The following HNF4A variants were observed in gnomAD, a reference collection of about 807,000 sequenced individuals.
HNF4A encodes hepatocyte nuclear factor 4-alpha.
In HNF4A, 15 loss-of-function variants were observed where a neutral mutation model predicts 52.4. The ratio of observed to expected loss-of-function variants is 0.29; its 90% CI spans 0.19 to 0.44. The LOEUF is 0.44. HNF4A is among the 20% of genes least tolerant of loss of function. The probability of loss-of-function intolerance (pLI) is 1.00; values close to 1 mark genes in which losing one functional copy is unlikely to be tolerated. For missense variants in HNF4A, 479 were observed against 647.2 expected (o/e 0.74, Z 2.82); for synonymous variants, 280 against 264.4 (o/e 1.06, Z -0.57).
intron 1 of HNF4A, among the ~76,000 whole-genome samples, chr20:44,364,712 C>A (rs1439895827): frequency 1.3e-5 from 2 of 152,176 alleles, no homozygotes; most frequent in Non-Finnish European, 2.9e-5. Context: ...TCGTGATCCA[C>A]CTGCCCCGAC....
At chr20:44,419,404 T>C (rs2146443308) in intron 6 of HNF4A, among the ~76,000 whole-genome samples, 1 of 152,284 alleles carries the variant, frequency 6.6e-6, no homozygotes, top group East Asian at 1.9e-4. Flanking sequence ...CAGAATCTGG[T>C]CCTTTAACCT....
At chr20:44,360,836 A>G (rs2062908915) in intron 1 of HNF4A, among the ~76,000 whole-genome samples, 1 of 152,182 alleles carries the variant, frequency 6.6e-6, no homozygotes, top group African/African-American at 2.4e-5. Context: ...TTGAAGCTCT[A>G]TGATGATGGT....
chr20:44,406,571 C>T (rs904354683), intron 2 of HNF4A, among the ~76,000 whole-genome samples: 5 of 152,228 alleles, frequency 3.3e-5, no homozygotes, highest in Non-Finnish European at 5.9e-5. Context: ...ATGAGCCCGT[C>T]TTCCAGTCTG....
intron 1 of HNF4A, among the ~76,000 whole-genome samples, chr20:44,388,192 G>A (rs2063255339): frequency 6.6e-6 from 1 of 151,708 alleles, no homozygotes; most frequent in South Asian, 2.1e-4. Flanking sequence ...GGGATCCAGC[G>A]ATCCTCCCAC....
At chr20:44,390,864 C>T (rs1052712245) in intron 1 of HNF4A, among the ~76,000 whole-genome samples, 2 of 152,106 alleles carry the variant, frequency 1.3e-5, no homozygotes, top group African/African-American at 2.4e-5. Flanking sequence ...AGAATCCAGA[C>T]GACCTCAACA....
Position 44,378,900 on chromosome 20 carries a change from CAGAG to C in HNF4A, c.49+23053_49+23056del, listed in dbSNP as rs1215577769. 5.9e-4 allele frequency among the ~76,000 whole-genome samples: 80 copies of C among 136,434 alleles called. 1 individual carries two copies. The East Asian group carries it at 8.0e-3, about 14-fold the overall frequency. The allele number at this position is 136,434 out of a possible 152,430, so 89.5% of individuals were successfully genotyped here. On this transcript the variant is annotated intron_variant, in intron 1 of 9. Coordinates refer to the HNF4A transcript ENST00000316673. ...CACCACTGCACTCCAGCCTGGGCCA[CAGAG>C]AGAGACCCCGTCTCAAAAAAAAAAA... is the stretch of plus-strand genomic sequence containing the variant.
At chr20:44,424,347 TC>T (rs753056119) in intron 8 of HNF4A, 93 bp downstream of exon 8, 8 of 1,566,304 alleles carry the variant, frequency 5.1e-6, no homozygotes, top group Non-Finnish European at 6.9e-6. Context: ...CTCCTTGGCT[TC>T]CCCACTGTGC....
chr20:44,380,896 C>T (rs1015496420), intron 1 of HNF4A, among the ~76,000 whole-genome samples: 3 of 152,102 alleles, frequency 2.0e-5, no homozygotes, highest in Admixed American at 6.6e-5. Flanking sequence ...TATACTTTTC[C>T]GTCAAACTCA....
At chr20:44,420,407 C>T (rs567354783) in intron 7 of HNF4A, among the ~76,000 whole-genome samples, 1 of 152,290 alleles carries the variant, frequency 6.6e-6, no homozygotes, top group African/African-American at 2.4e-5. Flanking sequence ...TACTTCTTCC[C>T]TCCATCCTTC....
At chr20:44,385,013 T>G in intron 1 of HNF4A, among the ~76,000 whole-genome samples, 1 of 134,696 alleles carries the variant, frequency 7.4e-6, no homozygotes, top group Non-Finnish European at 1.6e-5. Context: ...GGTGGGGAGG[T>G]GGGGATGCTG....
At position 44,418,461 on chromosome 20, in the gene HNF4A, C is replaced by A; in HGVS notation, c.685C>A (p.Leu229Met). 1 of 1,613,852 alleles carries A rather than the reference C, an allele frequency of 6.2e-7. No individual in the cohort carries two copies. The highest frequency in any genetic ancestry group is 8.5e-7 in the Non-Finnish European group (1 of 1,179,966). The change falls in exon 6 of 10, where the codon CTG becomes ATG. Residue 229 changes from leucine (L) to methionine (M), a missense_variant. Transcript: ENST00000316099. ...CAGAGCCCATGCTGGCGAGCACCTG[C>A]TGCTCGGAGCCACCAAGAGATCCAT...
chr20:44,356,684 G>A (rs571514945), intron 1 of HNF4A, among the ~76,000 whole-genome samples: 24 of 152,198 alleles, frequency 1.6e-4, no homozygotes, highest in African/African-American at 5.1e-4. Context: ...ACGCGTATAC[G>A]TGTACATTCC....
At chr20:44,408,490 C>T (rs1480146128) in intron 3 of HNF4A, among the ~76,000 whole-genome samples, 2 of 152,066 alleles carry the variant, frequency 1.3e-5, no homozygotes, top group African/African-American at 2.4e-5. Flanking sequence ...TTTGGGAGGC[C>T]GAGGCAGGCA....
intron 1 of HNF4A, among the ~76,000 whole-genome samples, chr20:44,376,469 G>A (rs1176696025): frequency 6.6e-6 from 1 of 152,000 alleles, no homozygotes; most frequent in African/African-American, 2.4e-5. Context: ...AATATGCAGA[G>A]AAGTATAGAG....
chr20:44,383,175 A>G (rs1264294539), intron 1 of HNF4A, among the ~76,000 whole-genome samples: 1 of 152,164 alleles, frequency 6.6e-6, no homozygotes, highest in Non-Finnish European at 1.5e-5. Context: ...CAAAAAAAAC[A>G]AACAATAATT....
chr20:44,387,641 G>T (rs1186820267), intron 1 of HNF4A, among the ~76,000 whole-genome samples: 4 of 132,086 alleles, frequency 3.0e-5, no homozygotes, highest in Non-Finnish European at 6.6e-5. Flanking sequence ...GTGAAGGGGT[G>T]GGGTGGAGGC....
At chr20:44,415,793 C>T (rs2063655529) in intron 5 of HNF4A, among the ~76,000 whole-genome samples, 1 of 152,144 alleles carries the variant, frequency 6.6e-6, no homozygotes, top group African/African-American at 2.4e-5. Flanking sequence ...TTTGGCTTGT[C>T]CCCAGCCTCA....
At chr20:44,406,326 A>T in intron 2 of HNF4A, 94 bp downstream of exon 2, 1 of 1,137,496 alleles carries the variant, frequency 8.8e-7, no homozygotes, top group Non-Finnish European at 1.3e-6. Context: ...GGTCCCAGAG[A>T]CAGCTGCCCT....
At chr20:44,410,519 C>A (rs1411109098) in intron 3 of HNF4A, among the ~76,000 whole-genome samples, 1 of 151,904 alleles carries the variant, frequency 6.6e-6, no homozygotes, top group African/African-American at 2.4e-5. Flanking sequence ...GGGAAGCTCC[C>A]AAAGCCAAAA....
Sources: allele counts gnomAD v4.1 joint callset (sites outside exome capture counted in the v4.1 genomes callset), GRCh38; gene constraint gnomAD v4.1.1; transcripts MANE v1.5; gene names NCBI Gene and HGNC (gene_info 2026-07-23, HGNC 2026-07-21).